The following PPP1R16B variants were observed in gnomAD, a reference collection of about 807,000 sequenced individuals.
The protein encoded by PPP1R16B is protein phosphatase 1 regulatory subunit 16B, also known as protein phosphatase 1 regulatory inhibitor subunit 16B.
Under a neutral mutation model 61.7 loss-of-function variants are expected in PPP1R16B, and 14 were observed. The ratio of observed to expected loss-of-function variants is 0.23; its 90% confidence interval spans 0.15 to 0.35. The LOEUF is 0.35. Ranked by LOEUF, PPP1R16B falls within the 10% of genes least tolerant of loss-of-function variation. The probability of loss-of-function intolerance (pLI) is 1.00; values close to 1 mark genes in which losing one functional copy is unlikely to be tolerated. For missense variants in PPP1R16B, 547 were observed against 752.5 expected, an observed-to-expected ratio of 0.73 and a Z score of 3.19; for synonymous variants, 266 against 305.3, an observed-to-expected ratio of 0.87 and a Z score of 1.34.
intron 5 of PPP1R16B, among the ~76,000 whole-genome samples, chr20:38,902,451 A>G (rs189222600): frequency 1.3e-5 from 2 of 152,336 alleles, no homozygotes. Context: ...ATATGAATCC[A>G]TTGCCTAGTG....
intron 1 of PPP1R16B, among the ~76,000 whole-genome samples, chr20:38,831,632 G>A (rs1237501854): frequency 1.3e-5 from 2 of 152,164 alleles, no homozygotes; most frequent in Non-Finnish European, 2.9e-5. Flanking sequence ...CTATCTAAAG[G>A]GGACAGCCCG....
chr20:38,900,111 TC>T (rs1247054798), intron 4 of PPP1R16B, among the ~76,000 whole-genome samples: 1 of 152,234 alleles, frequency 6.6e-6, no homozygotes, highest in Admixed American at 6.5e-5. Flanking sequence ...AGTCTTTGTT[TC>T]CCCTTGCGTG....
In PPP1R16B at chr20:38,876,408, C is replaced by A. The variant is rs544732541; in HGVS notation, c.251-13187C>A. Among the ~76,000 whole-genome samples, 7 of 152,272 alleles carry A rather than the reference C, an allele frequency of 4.6e-5. No homozygotes were observed. The South Asian group carries it at 1.2e-3, about 27-fold the overall frequency. On this transcript the variant is annotated intron_variant, in intron 2 of 10. Transcript: ENST00000299824. The stretch of plus-strand genomic sequence containing the variant: ...TAACTCCTCAGCTGTGCTGCTGGAG[C>A]CTCAAAACAGCCATAGGCAATGCAT...
At chr20:38,898,811 AAACAACAACAAC>A (rs145367321) in intron 4 of PPP1R16B, among the ~76,000 whole-genome samples, 3 of 150,214 alleles carry the variant, frequency 2.0e-5, no homozygotes, top group Non-Finnish European at 4.4e-5. Flanking sequence ...CCTTGTTTCA[AAACAACAACAAC>A]AACAACAACA....
At chr20:38,891,921 A>T (rs751990714) in intron 3 of PPP1R16B, among the ~76,000 whole-genome samples, 1 of 152,200 alleles carries the variant, frequency 6.6e-6, no homozygotes, top group Non-Finnish European at 1.5e-5. Context: ...TGCACAGTAC[A>T]ATAGCCACCA....
rs62201382 is a variant in PPP1R16B, at chr20:38,882,862, G to A, written c.251-6733G>A. 5.8e-3 allele frequency among the ~76,000 whole-genome samples: 886 copies of A among 152,292 alleles called. 7 individuals carry two copies. The highest frequency in any genetic ancestry group is 0.02 in the African/African-American group (833 of 41,548). ...CAAGAATGGGAAGAAAGAAGGCTCCGGGCATAGGAAACAGTGTGTGCAAAG... is the reference window on the plus strand; with the variant it reads ...CAAGAATGGGAAGAAAGAAGGCTCCAGGCATAGGAAACAGTGTGTGCAAAG... On this transcript the variant is annotated intron_variant, in intron 2 of 10. Coordinates refer to ENST00000299824, the MANE Select transcript of PPP1R16B (RefSeq NM_015568.4).
chr20:38,849,676 C>G (rs1224273571), intron 2 of PPP1R16B, among the ~76,000 whole-genome samples: 3 of 58,322 alleles, frequency 5.1e-5, no homozygotes, highest in African/African-American at 2.5e-4. Flanking sequence ...ACAACAACAA[C>G]AACAACAACA....
At chr20:38,908,998 T>C (rs1291837322) in intron 10 of PPP1R16B, among the ~76,000 whole-genome samples, 1 of 152,104 alleles carries the variant, frequency 6.6e-6, no homozygotes, top group Non-Finnish European at 1.5e-5. Flanking sequence ...CTTTTTTTAT[T>C]TTTATTTTAT....
intron 2 of PPP1R16B, among the ~76,000 whole-genome samples, chr20:38,884,131 G>C (rs1489146409): frequency 1.3e-5 from 2 of 152,182 alleles, no homozygotes; most frequent in African/African-American, 4.8e-5. Context: ...CAACACCTTA[G>C]ACCCAAGCCA....
intron 10 of PPP1R16B, among the ~76,000 whole-genome samples, chr20:38,911,817 G>T (rs2085493046): frequency 6.6e-6 from 1 of 152,158 alleles, no homozygotes; most frequent in Non-Finnish European, 1.5e-5. Flanking sequence ...TATTACAGGG[G>T]TCAGCCACTG....
At chr20:38,822,570 G>T (rs147583167) in intron 1 of PPP1R16B, among the ~76,000 whole-genome samples, 1 of 145,254 alleles carries the variant, frequency 6.9e-6, no homozygotes, top group African/African-American at 2.6e-5. Context: ...GTTTGGTCCA[G>T]AAAGAGCTAC....
chr20:38,863,519 G>C (rs1337217170), intron 2 of PPP1R16B, among the ~76,000 whole-genome samples: 1 of 152,236 alleles, frequency 6.6e-6, no homozygotes, highest in African/African-American at 2.4e-5. Context: ...ACTCTGGCAT[G>C]GATGATGGGA....
chr20:38,823,023 G>A (rs2084782544), intron 1 of PPP1R16B, among the ~76,000 whole-genome samples: 1 of 152,180 alleles, frequency 6.6e-6, no homozygotes, highest in Admixed American at 6.5e-5. Context: ...GAGGGAAGCG[G>A]AGGTATGCTT....
chr20:38,839,628 CT>C (rs1245948413), intron 2 of PPP1R16B, among the ~76,000 whole-genome samples: 3 of 151,542 alleles, frequency 2.0e-5, no homozygotes, highest in African/African-American at 7.3e-5. Flanking sequence ...AGCCAGGTTT[CT>C]TTTTTAAAAA....
intron 2 of PPP1R16B, among the ~76,000 whole-genome samples, chr20:38,868,792 G>A (rs978841683): frequency 6.6e-6 from 1 of 152,178 alleles, no homozygotes; most frequent in Non-Finnish European, 1.5e-5. Flanking sequence ...AATCTTTGAT[G>A]GCAGGAGCAG....
At chr20:38,902,843 G>T (rs1394284462) in intron 6 of PPP1R16B, 51 bp downstream of exon 6, 2 of 1,611,454 alleles carry the variant, frequency 1.2e-6, no homozygotes, top group Admixed American at 3.3e-5. Context: ...TCCGAAGTGG[G>T]CCAGCACCTG....
At position 38,835,832 on chromosome 20, in the gene PPP1R16B, C is replaced by A; in HGVS notation, c.-94C>A. The A allele has an allele frequency of 7.2e-7, 1 of 1,379,794 alleles. No homozygotes were observed. The highest frequency in any genetic ancestry group is 9.6e-7 in the Non-Finnish European group (1 of 1,046,646). The allele number at this position is 1,379,794 out of a possible 1,614,324, so 85.5% of individuals were successfully genotyped here. ...TCTCCCTCCCTGCCACAGGCCACAC[C>A]ATGAGGCCCCAGCCCCACCAGAGGC... is the stretch of plus-strand genomic sequence containing the variant. On this transcript the variant is annotated 5_prime_UTR_variant, in exon 2 of 11. Coordinates refer to ENST00000299824, the MANE Select transcript of PPP1R16B (RefSeq NM_015568.4).
intron 2 of PPP1R16B, among the ~76,000 whole-genome samples, chr20:38,870,193 C>T (rs2085119082): frequency 6.6e-6 from 1 of 152,154 alleles, no homozygotes; most frequent in Admixed American, 6.5e-5. Context: ...CCGCCTTGGC[C>T]TCCCAAAGTG....
In PPP1R16B at chr20:38,908,161, G is replaced by C; in HGVS notation, c.1162G>C (p.Glu388Gln). 6.2e-7 allele frequency: 1 copy of C among 1,614,250 alleles called. No individual in the cohort carries two copies. Among genetic ancestry groups the C allele is most frequent in the Non-Finnish European group, 8.5e-7 (1 of 1,180,038 alleles). The part of the protein sequence containing the change: ...RTSTYNGDIR[E>Q]TRTDQENKDP... ...CTCCACCTACAACGGGGACATCAGG[G>C]AGACCAGGACAGACCAAGAGAATAA... The change falls in exon 10 of 11, where the codon GAG (glutamate) becomes CAG (glutamine). Residue 388 changes from glutamate to glutamine, a missense_variant. By Grantham distance (29) the Glu-to-Gln change is conservative. Transcript: ENST00000299824.
Sources: gnomAD v4.1 joint callset for allele counts (sites outside exome capture counted in the v4.1 genomes callset) on GRCh38, gnomAD v4.1.1 for gene constraint, MANE v1.5 for transcripts, NCBI Gene and HGNC (gene_info 2026-07-23, HGNC 2026-07-21) for gene names.